The following NYAP2 variants were observed in gnomAD, a reference collection of about 807,000 sequenced individuals.
NYAP2 encodes neuronal tyrosine-phosphorylated phosphoinositide-3-kinase adaptor 2.
Under a neutral mutation model 50.4 loss-of-function variants are expected in NYAP2, and 23 were observed. The observed-to-expected ratio is 0.46, with a 90% CI of 0.33 to 0.65. NYAP2 has a LOEUF of 0.65. NYAP2 is among the 30% of genes least tolerant of loss of function. The pLI is 0.02. For synonymous variants in NYAP2, 394 were observed against 365.2 expected (o/e 1.08, Z -0.90); for missense variants, 885 against 861.0 (o/e 1.03, Z -0.35).
At chr2:225,633,162 G>A (rs1001984030) in intron 6 of NYAP2, among the ~76,000 whole-genome samples, 1 of 152,150 alleles carries the variant, frequency 6.6e-6, no homozygotes, top group Non-Finnish European at 1.5e-5. Context: ...TGGCCCTGCT[G>A]GGCCACCCTG....
intron 3 of NYAP2, among the ~76,000 whole-genome samples, chr2:225,449,912 C>A (rs116489371): frequency 6.6e-6 from 1 of 152,018 alleles, no homozygotes; most frequent in Non-Finnish European, 1.5e-5. Context: ...CCACCACACC[C>A]GGCCGATAAG....
intron 4 of NYAP2, among the ~76,000 whole-genome samples, chr2:225,550,341 T>G (rs1222498279): frequency 6.6e-6 from 1 of 152,052 alleles, no homozygotes; most frequent in Non-Finnish European, 1.5e-5. Flanking sequence ...ATATGAGATA[T>G]TACAAAAAGA....
At chr2:225,438,691 A>T (rs1449633883) in intron 3 of NYAP2, among the ~76,000 whole-genome samples, 1 of 152,234 alleles carries the variant, frequency 6.6e-6, no homozygotes, top group African/African-American at 2.4e-5. Context: ...TTGTTCATTC[A>T]TCTACTCATT....
intron 6 of NYAP2, among the ~76,000 whole-genome samples, chr2:225,638,086 ACT>A (rs1275961788): frequency 6.6e-6 from 1 of 151,664 alleles, no homozygotes; most frequent in East Asian, 1.9e-4. Flanking sequence ...TTTTAAATAG[ACT>A]CTAGATATTA....
intron 3 of NYAP2, among the ~76,000 whole-genome samples, chr2:225,458,588 T>C (rs796991066): frequency 3.9e-5 from 6 of 152,336 alleles, no homozygotes; most frequent in African/African-American, 1.4e-4. Flanking sequence ...TTCTGATTCA[T>C]ACTGAAGAAG....
chr2:225,551,384 G>A (rs1691671880), intron 4 of NYAP2, among the ~76,000 whole-genome samples: 1 of 152,210 alleles, frequency 6.6e-6, no homozygotes, highest in Admixed American at 6.5e-5. Context: ...AATCCCATAA[G>A]ACTACATGAA....
Position 225,615,877 on chromosome 2 carries a change from C to T in NYAP2, c.1619-11040C>T, listed in dbSNP as rs533711109. ...GAGCAAAGGCCCTGTGCCTCCACCA[C>T]GAAAGAGCATGGCAGAGCAGGGGCA... On this transcript the variant is annotated intron_variant, in intron 5 of 6. Coordinates refer to ENST00000636099, the Ensembl canonical transcript of NYAP2. Among the ~76,000 whole-genome samples, 44 of 152,278 alleles carry T rather than the reference C, an allele frequency of 2.9e-4. No homozygotes were observed. The South Asian group carries it at 6.6e-3, about 23-fold the overall frequency.
chr2:225,487,981 A>G (rs574249837), intron 3 of NYAP2, among the ~76,000 whole-genome samples: 17 of 152,330 alleles, frequency 1.1e-4, no homozygotes, highest in African/African-American at 3.6e-4. Context: ...TGCTTGGTGT[A>G]AGAGGAAGGG....
intron 6 of NYAP2, 150 bp from the exon 7 acceptor site, chr2:225,651,282 T>C (rs1222904862): frequency 5.9e-6 from 6 of 1,016,600 alleles, no homozygotes; most frequent in Non-Finnish European, 8.9e-6. Context: ...GCCATGAAAG[T>C]GTTTTATCAC....
At chr2:225,546,674 T>A (rs1691590670) in intron 4 of NYAP2, among the ~76,000 whole-genome samples, 1 of 152,104 alleles carries the variant, frequency 6.6e-6, no homozygotes, top group Non-Finnish European at 1.5e-5. Flanking sequence ...CACTTGGTAC[T>A]CTGCCCAACT....
In NYAP2 at chr2:225,569,728, G is replaced by T. The variant is rs988296487; in HGVS notation, c.524-12213G>T. On this transcript the variant is annotated intron_variant, in intron 4 of 6. Transcript: ENST00000636099. ...CCTTATAGATGAACAAACAGGTTAA[G>T]TAGTGGTTCAAGATCATGATAGGAT... is the stretch of plus-strand genomic sequence containing the variant. Among the ~76,000 whole-genome samples, 4 of 152,140 alleles carry T rather than the reference G, an allele frequency of 2.6e-5. No individual in the cohort carries two copies. The East Asian group carries it at 5.8e-4, about 22-fold the overall frequency.
chr2:225,675,619 G>A, the NYAP2 span, among the ~76,000 whole-genome samples: 1 of 152,118 alleles, frequency 6.6e-6, no homozygotes, highest in East Asian at 1.9e-4. Flanking sequence ...TATCGTGCAT[G>A]TGTCTGATAG....
intron 4 of NYAP2, among the ~76,000 whole-genome samples, chr2:225,554,818 G>C (rs1691748899): frequency 6.6e-6 from 1 of 152,038 alleles, no homozygotes; most frequent in Non-Finnish European, 1.5e-5. Context: ...TTGCCACAAG[G>C]AGTTGAAATG....
chr2:225,403,053 G>A (rs1267692230), intron 2 of NYAP2, among the ~76,000 whole-genome samples: 2 of 151,858 alleles, frequency 1.3e-5, no homozygotes, highest in Admixed American at 6.6e-5. Flanking sequence ...TTTCAAATTG[G>A]TTTGAGTACA....
At chr2:225,417,037 T>G (rs1574603857) in intron 3 of NYAP2, among the ~76,000 whole-genome samples, 2 of 152,216 alleles carry the variant, frequency 1.3e-5, no homozygotes, top group African/African-American at 4.8e-5. Flanking sequence ...GTCAATAGTT[T>G]CCTGTTGAGG....
At chr2:225,620,206 C>T (rs1276418430) in intron 5 of NYAP2, among the ~76,000 whole-genome samples, 1 of 152,170 alleles carries the variant, frequency 6.6e-6, no homozygotes, top group Non-Finnish European at 1.5e-5. Flanking sequence ...CCTCTGAATA[C>T]GTTTCCTTGA....
At chr2:225,414,437 C>T (rs572651273) in intron 3 of NYAP2, among the ~76,000 whole-genome samples, 150 of 152,032 alleles carry the variant, frequency 9.9e-4, no homozygotes, top group Non-Finnish European at 1.6e-3. Flanking sequence ...TTATGAAAAA[C>T]CTATAAGAAA....
chr2:225,601,635 C>T (rs190643082), intron 5 of NYAP2, among the ~76,000 whole-genome samples: 18 of 152,106 alleles, frequency 1.2e-4, no homozygotes, highest in African/African-American at 3.9e-4. Context: ...TTTTCATTTC[C>T]CAGTGTTGAG....
intron 4 of NYAP2, among the ~76,000 whole-genome samples, chr2:225,519,943 G>A (rs1691016686): frequency 6.6e-6 from 1 of 152,050 alleles, no homozygotes; most frequent in Admixed American, 6.6e-5. Flanking sequence ...GTTGTTTCCT[G>A]ACTTTTTAAT....
Sources: gnomAD v4.1 joint callset for allele counts (sites outside exome capture counted in the v4.1 genomes callset) on GRCh38, gnomAD v4.1.1 for gene constraint, MANE v1.5 for transcripts, NCBI Gene and HGNC (gene_info 2026-07-23, HGNC 2026-07-21) for gene names.